Variants in CUX1 observed in about 807,000 individuals in gnomAD.
CUX1 encodes the protein cut like homeobox 1.
Under a neutral mutation model 158.8 loss-of-function variants are expected in CUX1, and 31 were observed. The ratio of observed to expected loss-of-function variants is 0.20; its 90% CI spans 0.15 to 0.26. The LOEUF is 0.26. CUX1 is among the 10% of genes least tolerant of loss of function. CUX1 has a pLI of 1.00. For synonymous variants in CUX1, 879 were observed against 862.1 expected, an observed-to-expected ratio of 1.02 and a Z score of -0.34; for missense variants, 1,589 against 2,014.6, an observed-to-expected ratio of 0.79 and a Z score of 4.04.
intron 1 of CUX1, among the ~76,000 whole-genome samples, chr7:101,891,234 T>A (rs544736981): frequency 2.6e-5 from 4 of 152,236 alleles, no homozygotes; most frequent in African/African-American, 9.6e-5. Flanking sequence ...TTTTGTTTGT[T>A]TTCAGACAGG....
At chr7:101,837,924 G>A (rs1333970065) in intron 1 of CUX1, among the ~76,000 whole-genome samples, 1 of 137,592 alleles carries the variant, frequency 7.3e-6, no homozygotes, top group Non-Finnish European at 1.6e-5. Context: ...CCACGTGCAA[G>A]AAAAACAAAA....
At chr7:101,996,650 C>T (rs1563107514) in intron 2 of CUX1, among the ~76,000 whole-genome samples, 1 of 139,900 alleles carries the variant, frequency 7.1e-6, no homozygotes, top group Non-Finnish European at 1.6e-5. Flanking sequence ...TCTCTCCCTC[C>T]CTCCCTCCCT....
intron 20 of CUX1, 92 bp from the exon 21 acceptor site, chr7:102,227,275 G>T: frequency 8.9e-7 from 1 of 1,120,392 alleles, no homozygotes; most frequent in Non-Finnish European, 1.3e-6. Context: ...CCTACAGAGC[G>T]TTTAATTAGT....
chr7:102,197,576 G>A (rs1238192296), intron 15 of CUX1, among the ~76,000 whole-genome samples: 2 of 152,188 alleles, frequency 1.3e-5, no homozygotes, highest in Admixed American at 6.5e-5. Context: ...TCGTATCAGA[G>A]GGAATTGCAT....
rs190987563 is a variant in CUX1 at position 101,877,937 on chromosome 7, C to T, written c.31-38178C>T. On this transcript the variant is annotated intron_variant, in intron 1 of 23. Coordinates refer to ENST00000292535, the MANE Select transcript of CUX1 (RefSeq NM_181552.4). ...CCGTTTGACACAGGTGCAAGCTTAT[C>T]TGCAGGGGGAAGCCGATTTGCAGGA... 6.0e-3 allele frequency among the ~76,000 whole-genome samples: 906 copies of T among 152,268 alleles called. 13 individuals carry two copies. Among genetic ancestry groups the T allele is most frequent in the African/African-American group, 0.021 (866 of 41,552 alleles).
intron 23 of CUX1, among the ~76,000 whole-genome samples, chr7:102,246,390 A>G (rs1379755444): frequency 6.6e-6 from 1 of 152,076 alleles, no homozygotes. Flanking sequence ...GAGCTCACAA[A>G]TCTTTCAGGA....
chr7:101,957,830 C>G (rs1207789485), intron 2 of CUX1, among the ~76,000 whole-genome samples: 1 of 152,100 alleles, frequency 6.6e-6, no homozygotes, highest in Admixed American at 6.5e-5. Flanking sequence ...TTGAAAGACT[C>G]TTCGTACTTA....
intron 21 of CUX1, among the ~76,000 whole-genome samples, chr7:102,232,956 T>C (rs1554531308): frequency 1.3e-5 from 2 of 152,174 alleles, no homozygotes; most frequent in African/African-American, 4.8e-5. Flanking sequence ...TCCTCTGTCC[T>C]GCTGTGATTG....
intron 2 of CUX1, among the ~76,000 whole-genome samples, chr7:101,941,667 G>A (rs1021481174): frequency 1.2e-4 from 19 of 152,136 alleles, no homozygotes; most frequent in South Asian, 2.1e-4. Flanking sequence ...TTTTCACGTC[G>A]GGGCATTCCT....
chr7:101,882,198 C>G (rs1363246435), intron 1 of CUX1, among the ~76,000 whole-genome samples: 1 of 151,956 alleles, frequency 6.6e-6, no homozygotes, highest in Non-Finnish European at 1.5e-5. Flanking sequence ...AACAAACAAA[C>G]AAAAAAGGAA....
At chr7:102,123,608 C>CAAA (rs1248618884) in intron 8 of CUX1, among the ~76,000 whole-genome samples, 907 of 88,530 alleles carry the variant, frequency 0.01, 16 homozygotes, top group African/African-American at 0.03. Context: ...GACTCCGTCT[C>CAAA]AAAAAAAAAA....
upstream of CUX1, chr7:101,817,298 T>C: frequency 2.0e-6 from 2 of 984,170 alleles, no homozygotes; most frequent in Non-Finnish European, 2.4e-6. The surrounding 1 kb of genome is among the most constrained non-coding windows in gnomAD (Gnocchi z 4.1). Context: ...GGTCCCTTCC[T>C]TGCGTCCCCT....
At chr7:101,837,699 C>T (rs978047294) in intron 1 of CUX1, among the ~76,000 whole-genome samples, 5 of 151,690 alleles carry the variant, frequency 3.3e-5, no homozygotes, top group South Asian at 2.1e-4. Flanking sequence ...ATCATGGTGA[C>T]GCACACCTGT....
intron 8 of CUX1, among the ~76,000 whole-genome samples, chr7:102,155,562 A>C (rs1452176876): frequency 1.3e-5 from 2 of 151,826 alleles, no homozygotes; most frequent in Non-Finnish European, 1.5e-5. Context: ...AAAAAAAAAC[A>C]ACACAAAAAA....
intron 1 of CUX1, among the ~76,000 whole-genome samples, chr7:101,832,460 C>T (rs1794146415): frequency 6.6e-6 from 1 of 152,174 alleles, no homozygotes; most frequent in South Asian, 2.1e-4. Flanking sequence ...CTGGCACCTT[C>T]AGGGGCGGGC....
At chr7:102,052,761 T>A (rs1563180300) in intron 3 of CUX1, among the ~76,000 whole-genome samples, 1 of 152,180 alleles carries the variant, frequency 6.6e-6, no homozygotes, top group Non-Finnish European at 1.5e-5. Context: ...CTGTCAGCAA[T>A]GTAGGAGGGT....
At chr7:102,263,819 A>AT (rs1408476293) in intron 14 of CUX1, among the ~76,000 whole-genome samples, 4 of 150,716 alleles carry the variant, frequency 2.7e-5, no homozygotes, top group Non-Finnish European at 4.4e-5. Flanking sequence ...CAGCCTTCCG[A>AT]GTAGCTGGAA....
chr7:102,191,936 C>G (rs1399251859), intron 12 of CUX1, among the ~76,000 whole-genome samples: 4 of 152,148 alleles, frequency 2.6e-5, no homozygotes, highest in African/African-American at 9.7e-5. Flanking sequence ...GCCCCTACCC[C>G]CACTGAAGGG....
At chr7:102,208,127 G>A (rs1796134818) in intron 20 of CUX1, among the ~76,000 whole-genome samples, 2 of 152,102 alleles carry the variant, frequency 1.3e-5, no homozygotes, top group Admixed American at 1.3e-4. Flanking sequence ...GGTCGAGGCT[G>A]CAGTAAGCCA....
Sources: gnomAD v4.1 joint callset for allele counts (sites outside exome capture counted in the v4.1 genomes callset) on GRCh38, gnomAD v4.1.1 for gene constraint, Gnocchi (gnomAD v3.1) non-coding constraint, MANE v1.5 for transcripts, NCBI Gene and HGNC (gene_info 2026-07-23, HGNC 2026-07-21) for gene names.